Variants in TPD52 observed in about 807,000 individuals in gnomAD.
The protein encoded by TPD52 is tumor protein D52.
A neutral mutation model predicts 31.3 loss-of-function variants in TPD52; 17 were observed. That is an observed-to-expected ratio of 0.54 (90% CI 0.37 to 0.82). The LOEUF (loss-of-function observed/expected upper bound fraction) is 0.82. TPD52 is among the 40% of genes least tolerant of loss of function. The pLI, the probability that TPD52 is intolerant of heterozygous loss-of-function variation, is 0.00. For missense variants in TPD52, 212 were observed against 240.1 expected (o/e 0.88, Z 0.77); for synonymous variants, 83 against 89.6 (o/e 0.93, Z 0.42).
intron 1 of TPD52, among the ~76,000 whole-genome samples, chr8:80,161,226 C>G (rs1484836630): frequency 1.3e-5 from 2 of 152,218 alleles, no homozygotes; most frequent in African/African-American, 4.8e-5. Context: ...CACACACATT[C>G]TTACATACCT....
intron 1 of TPD52, among the ~76,000 whole-genome samples, chr8:80,152,916 G>A (rs951861753): frequency 1.3e-5 from 2 of 152,190 alleles, no homozygotes; most frequent in South Asian, 2.1e-4. Flanking sequence ...TCAACTTGAC[G>A]GGGTGTGTGC....
chr8:80,053,873 C>A (rs1367177946), intron 2 of TPD52, among the ~76,000 whole-genome samples: 11 of 152,172 alleles, frequency 7.2e-5, no homozygotes, highest in Non-Finnish European at 1.3e-4. Context: ...CCATCCCCTA[C>A]CAAAACACAC....
In TPD52 at chr8:80,147,670, T is replaced by C. The variant is rs1457035912; in HGVS notation, c.19+23755A>G. ...ACCATCATCCTTACATTTGCAGGGG[T>C]TGTTGAGCAGGGCAGCAGGGCAAAG... On this transcript the variant is annotated intron_variant, in intron 1 of 7. Coordinates refer to ENST00000518937, the MANE Select transcript of TPD52 (RefSeq NM_001025253.3). 2.0e-5 allele frequency among the ~76,000 whole-genome samples: 3 copies of C among 152,020 alleles called. No individual in the cohort carries two copies. In the East Asian group the frequency reaches 5.8e-4, roughly 29 times the overall value.
intron 7 of TPD52, chr8:80,042,147 T>C (rs1356091931): frequency 1.0e-6 from 1 of 979,304 alleles, no homozygotes; most frequent in Non-Finnish European, 1.2e-6. Context: ...AGAGAATACT[T>C]ACTGATACAG....
intron 1 of TPD52, among the ~76,000 whole-genome samples, chr8:80,079,188 T>C (rs7011045): frequency 0.035 from 5,293 of 152,290 alleles, 278 homozygotes; most frequent in African/African-American, 0.12. Flanking sequence ...CCCAGGCCCC[T>C]TTATTACAGA....
chr8:80,126,933 C>T (rs780185011), intron 1 of TPD52, among the ~76,000 whole-genome samples: 9 of 151,898 alleles, frequency 5.9e-5, no homozygotes, highest in Non-Finnish European at 1.0e-4. Context: ...CATAGAGAAA[C>T]CCTGTCTCTA....
chr8:80,165,789 T>C (rs181580523), intron 1 of TPD52, among the ~76,000 whole-genome samples: 31 of 152,346 alleles, frequency 2.0e-4, no homozygotes, highest in African/African-American at 5.8e-4. Flanking sequence ...GTAAAAGGTA[T>C]GTAATACATA....
At chr8:80,039,556 C>T (rs531311744) in intron 7 of TPD52, among the ~76,000 whole-genome samples, 3 of 152,130 alleles carry the variant, frequency 2.0e-5, no homozygotes, top group East Asian at 1.9e-4. Context: ...TGTCTCCAAT[C>T]GTTCTCCCCT....
chr8:80,171,358 G>A (rs776983341), intron 1 of TPD52, 67 bp downstream of exon 1: 10 of 1,580,428 alleles, frequency 6.3e-6, no homozygotes, highest in Middle Eastern at 1.7e-4. Flanking sequence ...GCCCCGCGCC[G>A]AGCCAAAGCC....
intron 1 of TPD52, among the ~76,000 whole-genome samples, chr8:80,120,500 A>C (rs965213474): frequency 6.6e-6 from 1 of 152,182 alleles, no homozygotes; most frequent in Non-Finnish European, 1.5e-5. Context: ...AAAAGAAAAA[A>C]AAAGAAAAGA....
In TPD52 at chr8:80,171,500, G is replaced by A; in HGVS notation, c.-57C>T. 1 of 1,520,776 alleles carries A rather than the reference G, an allele frequency of 6.6e-7. No homozygotes were observed. Among genetic ancestry groups the A allele is most frequent in the South Asian group, 1.2e-5 (1 of 81,550 alleles). 94.2% of individuals were successfully genotyped at this position (1,520,776 alleles called of 1,614,324 possible). On this transcript the variant is annotated 5_prime_UTR_variant, in exon 1 of 8. Transcript: ENST00000518937. ...GCACCCCCGCCTGCAGCCCGTCCCGGCTCGGATCGCCCGCCGCGCCGCGCA... is the reference window on the plus strand; with the variant it reads ...GCACCCCCGCCTGCAGCCCGTCCCGACTCGGATCGCCCGCCGCGCCGCGCA...
chr8:80,101,658 G>A (rs1333442138), intron 1 of TPD52, among the ~76,000 whole-genome samples: 2 of 152,130 alleles, frequency 1.3e-5, no homozygotes, highest in South Asian at 2.1e-4. Context: ...GAAGGTGAAG[G>A]GAAGGCAGGC....
intron 1 of TPD52, among the ~76,000 whole-genome samples, chr8:80,081,123 C>A (rs1276606401): frequency 1.4e-5 from 2 of 147,504 alleles, no homozygotes; most frequent in Non-Finnish European, 3.0e-5. Context: ...CTGAGTGTCA[C>A]AAAAACTTCA....
intron 1 of TPD52, among the ~76,000 whole-genome samples, chr8:80,128,778 A>G (rs1808815832): frequency 6.6e-6 from 1 of 151,998 alleles, no homozygotes; most frequent in Admixed American, 6.5e-5. Flanking sequence ...ATACTGTATC[A>G]GACAGTATTA....
chr8:80,063,253 T>C (rs1007261252), intron 2 of TPD52, among the ~76,000 whole-genome samples: 4 of 152,242 alleles, frequency 2.6e-5, no homozygotes, highest in African/African-American at 4.8e-5. Flanking sequence ...TGCTACACCA[T>C]GAATCAACCT....
intron 1 of TPD52, among the ~76,000 whole-genome samples, chr8:80,134,082 A>T (rs1337251539): frequency 1.3e-5 from 2 of 152,234 alleles, no homozygotes; most frequent in Non-Finnish European, 2.9e-5. Context: ...CCACGGCCAC[A>T]GCTTAGGAGC....
chr8:80,154,750 C>CAA (rs1488441445), intron 1 of TPD52, among the ~76,000 whole-genome samples: 4 of 133,994 alleles, frequency 3.0e-5, no homozygotes, highest in African/African-American at 1.3e-4. Flanking sequence ...CACACACACA[C>CAA]ACAAAACACC....
chr8:80,142,059 A>G (rs527370382), intron 1 of TPD52, among the ~76,000 whole-genome samples: 1 of 152,208 alleles, frequency 6.6e-6, no homozygotes, highest in East Asian at 1.9e-4. Context: ...AAAAGTTGAG[A>G]TCCAAGGAAA....
At chr8:80,067,581 A>T (rs1303562186) in intron 1 of TPD52, among the ~76,000 whole-genome samples, 1 of 152,124 alleles carries the variant, frequency 6.6e-6, no homozygotes, top group East Asian at 1.9e-4. Flanking sequence ...CAGATCAGGA[A>T]CCTCAAGCTT....
Sources: allele counts gnomAD v4.1 joint callset (sites outside exome capture counted in the v4.1 genomes callset), GRCh38; gene constraint gnomAD v4.1.1; transcripts MANE v1.5; gene names NCBI Gene and HGNC (gene_info 2026-07-23, HGNC 2026-07-21).